CRTC3: variants seen among roughly 807,000 people sequenced by gnomAD.
CRTC3 encodes CREB regulated transcription coactivator 3.
Under a neutral mutation model 74.5 loss-of-function variants are expected in CRTC3, and 26 were observed. That is an observed-to-expected ratio of 0.35 (90% CI 0.26 to 0.48). CRTC3 has a LOEUF of 0.48. Among genes scored for constraint, CRTC3 ranks in the 20% least tolerant of loss-of-function variants. The pLI is 0.99. For synonymous variants in CRTC3, 377 were observed against 325.8 expected, an observed-to-expected ratio of 1.16 and a Z score of -1.69; for missense variants, 760 against 787.3, an observed-to-expected ratio of 0.97 and a Z score of 0.41.
chr15:90,587,882 G>C (rs1016471923), intron 2 of CRTC3, among the ~76,000 whole-genome samples: 1 of 151,700 alleles, frequency 6.6e-6, no homozygotes, highest in Non-Finnish European at 1.5e-5. Flanking sequence ...CCAAAGTGCT[G>C]GGATTACAGG....
intron 2 of CRTC3, among the ~76,000 whole-genome samples, chr15:90,560,365 C>T (rs541869494): frequency 2.6e-5 from 4 of 152,192 alleles, no homozygotes; most frequent in Non-Finnish European, 4.4e-5. Context: ...TAGACCCAAA[C>T]ATTTCCCAGA....
At chr15:90,631,769 A>G (rs953832829) in intron 11 of CRTC3, among the ~76,000 whole-genome samples, 4 of 151,796 alleles carry the variant, frequency 2.6e-5, no homozygotes, top group African/African-American at 9.7e-5. Context: ...AAAGAAAGAA[A>G]TAGGGTCTCC....
chr15:90,550,210 C>A (rs1340632023), intron 2 of CRTC3, among the ~76,000 whole-genome samples: 1 of 151,210 alleles, frequency 6.6e-6, no homozygotes, highest in Non-Finnish European at 1.5e-5. Flanking sequence ...GGGCAGATCA[C>A]CTGAAGTCAG....
At position 90,638,768 on chromosome 15, in the gene CRTC3, G is replaced by A. The variant is rs201346508; in HGVS notation, c.1501G>A (p.Gly501Ser). 6.2e-7 allele frequency: 1 copy of A among 1,614,196 alleles called. No homozygotes were observed. Among genetic ancestry groups the A allele is most frequent in the Non-Finnish European group, 8.5e-7 (1 of 1,180,032 alleles). Residue 501 changes from glycine (G) to serine (S), a missense_variant, in exon 13 of 15, where the codon GGT becomes AGT. Coordinates refer to ENST00000268184, the MANE Select transcript of CRTC3 (RefSeq NM_022769.5). ...TTTGACCAACTTCTTCCCAGATGTG[G>A]GTTTTGACCAGCAGTCCATGAGGCC... ...SSLTNFFPDV[G>S]FDQQSMRPGP...
chr15:90,601,195 G>A lies in CRTC3; in HGVS notation c.352-1129G>A, dbSNP rs1968059034. Among the ~76,000 whole-genome samples the A allele has an allele frequency of 2.6e-5, 4 of 152,142 alleles. No homozygotes were observed. In the South Asian group the frequency reaches 8.3e-4, roughly 32 times the overall value. ...AATGAAAACAGCGCCCCTCTGCTCG[G>A]TGTGTAGTGCAGCATCCCATTTGTG... On this transcript the variant is annotated intron_variant, in intron 3 of 14. Coordinates refer to ENST00000268184, the MANE Select transcript of CRTC3 (RefSeq NM_022769.5).
chr15:90,547,361 A>C (rs1383459635), intron 2 of CRTC3, among the ~76,000 whole-genome samples: 1 of 152,174 alleles, frequency 6.6e-6, no homozygotes, highest in Non-Finnish European at 1.5e-5. Context: ...TTTGTAAATC[A>C]CTTTGGAGTT....
intron 6 of CRTC3, among the ~76,000 whole-genome samples, chr15:90,608,158 GGA>G (rs1335873928): frequency 2.6e-5 from 4 of 152,162 alleles, no homozygotes; most frequent in African/African-American, 9.7e-5. Context: ...GTAAGGGGAT[GGA>G]GAGAGGCCAG....
intron 1 of CRTC3, among the ~76,000 whole-genome samples, chr15:90,533,125 C>A (rs1298114635): frequency 8.8e-6 from 1 of 113,106 alleles, no homozygotes; most frequent in African/African-American, 3.3e-5. Flanking sequence ...AAAAAAAGGC[C>A]GGGCGCGGTG....
chr15:90,566,475 A>C (rs977629670), intron 2 of CRTC3, among the ~76,000 whole-genome samples: 1 of 151,252 alleles, frequency 6.6e-6, no homozygotes, highest in Non-Finnish European at 1.5e-5. Context: ...GCTTGAACCC[A>C]GGAGGCGGAG....
intron 2 of CRTC3, among the ~76,000 whole-genome samples, chr15:90,549,738 T>C (rs978134646): frequency 4.0e-5 from 6 of 149,814 alleles, no homozygotes; most frequent in Non-Finnish European, 4.4e-5. Context: ...GGTCTTTCTC[T>C]GTCACCCAGG....
chr15:90,544,923 C>T (rs1297156568), intron 2 of CRTC3, among the ~76,000 whole-genome samples: 1 of 152,204 alleles, frequency 6.6e-6, no homozygotes, highest in Non-Finnish European at 1.5e-5. Flanking sequence ...GTATTACATA[C>T]ATTCATATTG....
intron 11 of CRTC3, among the ~76,000 whole-genome samples, chr15:90,637,244 G>T (rs1417651590): frequency 6.6e-6 from 1 of 152,194 alleles, no homozygotes; most frequent in Non-Finnish European, 1.5e-5. Context: ...ATGAGTTCAT[G>T]TCCTTTGTAG....
At chr15:90,585,818 C>G (rs1394752706) in intron 2 of CRTC3, among the ~76,000 whole-genome samples, 3 of 152,192 alleles carry the variant, frequency 2.0e-5, no homozygotes, top group Non-Finnish European at 2.9e-5. Flanking sequence ...AAATGAGATG[C>G]CTCAGTTTGT....
rs117878260 is a variant in CRTC3, at chr15:90,619,837, T to C, written c.749+47T>C. On this transcript the variant is annotated intron_variant, in intron 9 of 14. Transcript: ENST00000268184. ...CGTGTTTCAGGGACTATCCTGAAGGTTTTTCCCAAAAGTCTCGCTGCTTTG... is the reference window on the plus strand; with the variant it reads ...CGTGTTTCAGGGACTATCCTGAAGGCTTTTCCCAAAAGTCTCGCTGCTTTG... 22 of 1,516,442 alleles carry C rather than the reference T, an allele frequency of 1.5e-5. No homozygotes were observed. In the East Asian group the frequency reaches 4.7e-4, roughly 33 times the overall value. 93.9% of individuals were successfully genotyped at this position (1,516,442 alleles called of 1,614,324 possible). A position where few individuals can be genotyped will look rare whatever the true frequency, so the allele number is the denominator to read the frequency against.
chr15:90,623,167 TTC>T (rs1400065133), intron 9 of CRTC3, among the ~76,000 whole-genome samples: 2 of 152,128 alleles, frequency 1.3e-5, no homozygotes, highest in African/African-American at 4.8e-5. Flanking sequence ...GTGGAGGCCT[TTC>T]TCTGCTAGTT....
chr15:90,635,220 GAAA>G (rs1012441610), intron 11 of CRTC3, among the ~76,000 whole-genome samples: 1 of 148,442 alleles, frequency 6.7e-6, no homozygotes, highest in Non-Finnish European at 1.5e-5. Context: ...ATGTAAATGA[GAAA>G]AAAAAAAGGA....
Position 90,560,067 on chromosome 15 carries a change from T to G in CRTC3, c.231+19930T>G, listed in dbSNP as rs12907173. ...TCGAATGTTAGAGATACATGTTGTC[T>G]TATATGTTATAAATAGCTTTCCTCA... On this transcript the variant is annotated intron_variant, in intron 2 of 14. Transcript: ENST00000268184. Among the ~76,000 whole-genome samples, 1,074 of 152,378 alleles carry G rather than the reference T, an allele frequency of 7.0e-3. 6 individuals carry two copies. Among genetic ancestry groups the G allele is most frequent in the Non-Finnish European group, 0.012 (798 of 68,038 alleles).
At chr15:90,567,355 C>G (rs1967145941) in intron 2 of CRTC3, among the ~76,000 whole-genome samples, 3 of 152,088 alleles carry the variant, frequency 2.0e-5, no homozygotes, top group Admixed American at 2.0e-4. Flanking sequence ...CTGCTCAATT[C>G]AGTGCTTTTT....
chr15:90,594,987 C>T (rs1303834866), intron 3 of CRTC3: 2 of 152,138 alleles, frequency 1.3e-5, no homozygotes, highest in African/African-American at 4.8e-5. Flanking sequence ...TTTTTCTCTC[C>T]CCTTTCTCCC....
Sources: gnomAD v4.1 joint callset for allele counts (sites outside exome capture counted in the v4.1 genomes callset) on GRCh38, gnomAD v4.1.1 for gene constraint, MANE v1.5 for transcripts, NCBI Gene and HGNC (gene_info 2026-07-23, HGNC 2026-07-21) for gene names.